Variants in JRKL observed in about 807,000 individuals in gnomAD.
JRKL encodes JRK like.
JRKL carries 25 observed loss-of-function variants against 34.7 expected under a neutral mutation model. The ratio of observed to expected loss-of-function variants is 0.72; its 90% confidence interval spans 0.53 to 1.01. The LOEUF is 1.01. Among genes scored for constraint, JRKL ranks in the 50% least tolerant of loss-of-function variants. The pLI, the probability that JRKL is intolerant of heterozygous loss-of-function variation, is 0.00. For synonymous variants in JRKL, 204 were observed against 212.8 expected, an observed-to-expected ratio of 0.96 and a Z score of 0.36; for missense variants, 495 against 615.7, an observed-to-expected ratio of 0.80 and a Z score of 2.07.
rs1156333463 is a variant in JRKL at position 96,391,506 on chromosome 11, A to G, written c.857A>G (p.Lys286Arg). Residue 286 changes from lysine to arginine, a missense_variant, in exon 2 of 2, where the codon AAG becomes AGG. Lys to Arg is a conservative substitution (Grantham distance 26). Transcript: ENST00000332349. ...TTAAGATCTAAAGGCTTGCAGGAAA[A>G]GGCTGTGCTCTTGTTGGATAATTCA... Reference protein sequence around the residue: ...EYLRSKGLQEKAVLLLDNSPT... With the variant: ...EYLRSKGLQERAVLLLDNSPT... 1.3e-6 allele frequency: 2 copies of G among 1,552,652 alleles called. No individual in the cohort carries two copies. Among genetic ancestry groups the G allele is most frequent in the Non-Finnish European group, 1.7e-6 (2 of 1,147,402 alleles).
Position 96,391,784 on chromosome 11 carries a change from G to T in JRKL, c.1135G>T (p.Val379Phe), listed in dbSNP as rs1866546911. The T allele has an allele frequency of 6.2e-6, 10 of 1,614,224 alleles. No homozygotes were observed. Among genetic ancestry groups the T allele is most frequent in the Non-Finnish European group, 8.5e-6 (10 of 1,180,024 alleles). ...AATGGCATGGAACTTAGTAAAACCAGTTACCATTAGCAGAGCATGGAAGAA... is the reference window on the plus strand; with the variant it reads ...AATGGCATGGAACTTAGTAAAACCATTTACCATTAGCAGAGCATGGAAGAA... ...IAMAWNLVKP[V>F]TISRAWKKIL... Residue 379 changes from valine to phenylalanine, a missense_variant, in exon 2 of 2, where the codon GTT becomes TTT. By Grantham distance (50) the Val-to-Phe change is conservative. Transcript: ENST00000332349.
chr11:96,392,206 G>T lies in JRKL; in HGVS notation c.1557G>T (p.Met519Ile). The change falls in exon 2 of 2, where the codon ATG (methionine) becomes ATT (isoleucine). Residue 519 changes from methionine (M) to isoleucine (I), a missense_variant. Transcript: ENST00000332349. The stretch of plus-strand genomic sequence containing the variant: ...CCACCATCAGAAATAAACAGAAGAT[G>T]ACAAAGTCAAGTCAATAATGTCATT... ...LRATIRNKQK[M>I]TKSSQ 1 of 1,582,610 alleles carries T rather than the reference G, an allele frequency of 6.3e-7. No individual in the cohort carries two copies. The highest frequency in any genetic ancestry group is 1.2e-5 in the South Asian group (1 of 85,702).
rs560071218 is a variant in JRKL, at chr11:96,392,497, A to G, written c.*273A>G. 473 of 277,444 alleles carry G rather than the reference A, an allele frequency of 1.7e-3. No individual in the cohort carries two copies. The highest frequency in any genetic ancestry group is 1.4e-3 in the Non-Finnish European group (198 of 141,738). The allele number at this position is 277,444 out of a possible 1,614,324, so 17.2% of individuals were successfully genotyped here. Reference sequence around the variant, plus strand: ...AATCTGCAATTATACCTTCTGTAACAGTGGCATTCCCTTAATTTTCTAGTG... The same window carrying G: ...AATCTGCAATTATACCTTCTGTAACGGTGGCATTCCCTTAATTTTCTAGTG... On this transcript the variant is annotated 3_prime_UTR_variant, in exon 2 of 2. Coordinates refer to ENST00000332349, the MANE Select transcript of JRKL (RefSeq NM_001261833.2).
chr11:96,390,658 G>T lies in JRKL; in HGVS notation c.9G>T (p.Gly3=). The change falls in exon 2 of 2, where the codon GGG becomes GGT. Residue 3 remains glycine (G), a synonymous_variant. Transcript: ENST00000332349. ...AGTCCCAGAACCTCGCTATGTCAGG[G>T]AAACGGAAGCGTGTGGTGTTGACTA... MS[G]KRKRVVLTIK... is the part of the protein sequence containing the mutation. The T allele has an allele frequency of 6.4e-7, 1 of 1,572,300 alleles. No individual in the cohort carries two copies. Among genetic ancestry groups the T allele is most frequent in the Non-Finnish European group, 8.6e-7 (1 of 1,165,498 alleles).
chr11:96,390,823 T>A lies in JRKL; in HGVS notation c.174T>A (p.Ser58Arg). The change falls in exon 2 of 2, where the codon AGT (serine) becomes AGA (arginine). Residue 58 changes from serine to arginine, a missense_variant. By Grantham distance (110) the Ser-to-Arg change is moderately radical. Coordinates refer to ENST00000332349, the MANE Select transcript of JRKL (RefSeq NM_001261833.2). ...NKEKIITYAS[S>R]SDSTSLLAKR... is the part of the protein sequence containing the mutation. ...AAAAGATTATAACTTATGCAAGCAG[T>A]TCTGATTCCACAAGTCTTTTGGCCA... 2 of 1,613,386 alleles carry A rather than the reference T, an allele frequency of 1.2e-6. No homozygotes were observed. The highest frequency in any genetic ancestry group is 8.5e-7 in the Non-Finnish European group (1 of 1,179,834).
chr11:96,392,168 C>G lies in JRKL; in HGVS notation c.1519C>G (p.Arg507Gly). Residue 507 changes from arginine (R) to glycine (G), a missense_variant, in exon 2 of 2, where the codon CGT (arginine) becomes GGT (glycine). By Grantham distance (125) the Arg-to-Gly change is moderately radical (BLOSUM62 -2). Coordinates refer to ENST00000332349, the MANE Select transcript of JRKL (RefSeq NM_001261833.2). Reference protein sequence around the residue: ...DMILPDRLVIRKLRATIRNKQ... With the variant: ...DMILPDRLVIGKLRATIRNKQ... ...GATTCTACCTGATAGACTGGTAATA[C>G]GTAAACTTCGAGCCACCATCAGAAA... 2 of 1,603,970 alleles carry G rather than the reference C, an allele frequency of 1.2e-6. No individual in the cohort carries two copies. Among genetic ancestry groups the G allele is most frequent in the African/African-American group, 1.3e-5 (1 of 74,430 alleles).
Position 96,390,606 on chromosome 11 carries a change from G to C in JRKL, c.-44G>C, listed in dbSNP as rs371863374. ...TGTGTAAGAGAAGGAAGGATTTTGTGGATTGCTACATTGTGAGTGTGGGGT... is the reference window on the plus strand; with the variant it reads ...TGTGTAAGAGAAGGAAGGATTTTGTCGATTGCTACATTGTGAGTGTGGGGT... On this transcript the variant is annotated 5_prime_UTR_variant, in exon 2 of 2. Coordinates refer to ENST00000332349, the MANE Select transcript of JRKL (RefSeq NM_001261833.2). The C allele has an allele frequency of 2.0e-6, 3 of 1,534,874 alleles. No homozygotes were observed. In the African/African-American group the frequency reaches 4.2e-5, roughly 21 times the overall value.
chr11:96,393,032 A>T lies in JRKL; in HGVS notation c.*808A>T, dbSNP rs1430289033. On this transcript the variant is annotated 3_prime_UTR_variant, in exon 2 of 2. Coordinates refer to ENST00000332349, the MANE Select transcript of JRKL (RefSeq NM_001261833.2). ...GTATAGGTTTATTATTTATTCATCT[A>T]ATTTTATAGTACAGGTTTTGTAATG... 6.0e-6 allele frequency: 1 copy of T among 166,148 alleles called. No homozygotes were observed. The highest frequency in any genetic ancestry group is 1.5e-5 in the Non-Finnish European group (1 of 68,006). 10.3% of individuals were successfully genotyped at this position (166,148 alleles called of 1,614,324 possible). A position where few individuals can be genotyped will look rare whatever the true frequency, so the allele number is the denominator to read the frequency against.
chr11:96,391,623 C>T lies in JRKL; in HGVS notation c.974C>T (p.Pro325Leu). Residue 325 changes from proline (P) to leucine (L), a missense_variant, in exon 2 of 2, where the codon CCT (proline) becomes CTT (leucine). Transcript: ENST00000332349. ...CCTAATGTGGCCTCATTGATTCAGCCTTCAGATCAGGGAGTCATAGCAACG... is the reference window on the plus strand; with the variant it reads ...CCTAATGTGGCCTCATTGATTCAGCTTTCAGATCAGGGAGTCATAGCAACG... ...LPPNVASLIQ[P>L]SDQGVIATMK... The T allele has an allele frequency of 6.2e-7, 1 of 1,613,700 alleles. No individual in the cohort carries two copies. Among genetic ancestry groups the T allele is most frequent in the Non-Finnish European group, 8.5e-7 (1 of 1,179,748 alleles).
rs1222402837 is a variant in JRKL, at chr11:96,392,826, G to C, written c.*602G>C. ...TCTGGAAATGAAGTAAATATGGGAAGTTATTGCCAAATGAGAGAGAAACTA... is the reference window on the plus strand; with the variant it reads ...TCTGGAAATGAAGTAAATATGGGAACTTATTGCCAAATGAGAGAGAAACTA... On this transcript the variant is annotated 3_prime_UTR_variant, in exon 2 of 2. Coordinates refer to ENST00000332349, the MANE Select transcript of JRKL (RefSeq NM_001261833.2). 1 of 167,006 alleles carries C rather than the reference G, an allele frequency of 6.0e-6. No individual in the cohort carries two copies. The highest frequency in any genetic ancestry group is 1.5e-5 in the Non-Finnish European group (1 of 68,072). The allele number at this position is 167,006 out of a possible 1,614,324, so 10.3% of individuals were successfully genotyped here.
rs1198607017 is a variant in JRKL at position 96,392,408 on chromosome 11, C to G, written c.*184C>G. ...TGTGTCTTTTGTCCTTTTATTTGTA[C>G]AGATAATCAGAAGATGATACTGAAT... is the stretch of plus-strand genomic sequence containing the variant. On this transcript the variant is annotated 3_prime_UTR_variant, in exon 2 of 2. Transcript: ENST00000332349. 6.0e-6 allele frequency: 5 copies of G among 830,142 alleles called. No homozygotes were observed. Among genetic ancestry groups the G allele is most frequent in the Non-Finnish European group, 8.9e-6 (5 of 561,994 alleles). The allele number at this position is 830,142 out of a possible 1,614,324, so 51.4% of individuals were successfully genotyped here.
In JRKL at chr11:96,392,848, A is replaced by G. The variant is rs1866565680; in HGVS notation, c.*624A>G. 1 of 167,014 alleles carries G rather than the reference A, an allele frequency of 6.0e-6. No individual in the cohort carries two copies. The highest frequency in any genetic ancestry group is 1.5e-5 in the Non-Finnish European group (1 of 68,066). The allele number at this position is 167,014 out of a possible 1,614,324, so 10.3% of individuals were successfully genotyped here. ...GAAGTTATTGCCAAATGAGAGAGAA[A>G]CTATGGGAAAGCTGATCTATAAAGA... On this transcript the variant is annotated 3_prime_UTR_variant, in exon 2 of 2. Transcript: ENST00000332349.
chr11:96,392,388 CTT>C lies in JRKL; in HGVS notation c.*167_*168del, dbSNP rs572639620. The C allele has an allele frequency of 7.2e-4, 720 of 999,012 alleles. 1 individual carries two copies. The highest frequency in any genetic ancestry group is 9.2e-4 in the Non-Finnish European group (655 of 710,642). The allele number at this position is 999,012 out of a possible 1,614,324, so 61.9% of individuals were successfully genotyped here. Reference sequence around the variant, plus strand: ...GATTATGTGTTTTCATCATCTGTGTCTTTTGTCCTTTTATTTGTACAGATAAT... The same window carrying C: ...GATTATGTGTTTTCATCATCTGTGTCTTGTCCTTTTATTTGTACAGATAAT... On this transcript the variant is annotated 3_prime_UTR_variant, in exon 2 of 2. Coordinates refer to ENST00000332349, the MANE Select transcript of JRKL (RefSeq NM_001261833.2).
Position 96,391,597 on chromosome 11 carries a change from A to G in JRKL, c.948A>G (p.Pro316=). ...GCCAAATATTTGCTAAATATTTACCACCTAATGTGGCCTCATTGATTCAGC... is the reference window on the plus strand; with the variant it reads ...GCCAAATATTTGCTAAATATTTACCGCCTAATGTGGCCTCATTGATTCAGC... ...DDGQIFAKYL[P]PNVASLIQPS... The change falls in exon 2 of 2, where the codon CCA becomes CCG. Residue 316 remains proline (P), a synonymous_variant. Coordinates refer to ENST00000332349, the MANE Select transcript of JRKL (RefSeq NM_001261833.2). 1 of 1,608,318 alleles carries G rather than the reference A, an allele frequency of 6.2e-7. No individual in the cohort carries two copies. The highest frequency in any genetic ancestry group is 8.5e-7 in the Non-Finnish European group (1 of 1,176,852).
In JRKL at chr11:96,391,376, T is replaced by A; in HGVS notation, c.727T>A (p.Leu243Ile). The A allele has an allele frequency of 6.4e-7, 1 of 1,551,714 alleles. No homozygotes were observed. Among genetic ancestry groups the A allele is most frequent in the Non-Finnish European group, 8.7e-7 (1 of 1,146,986 alleles). The change falls in exon 2 of 2, where the codon TTA (leucine) becomes ATA (isoleucine). Residue 243 changes from leucine (L) to isoleucine (I), a missense_variant. Transcript: ENST00000332349. ...KPRSFKSTDT[L>I]NLPVSYFSQK... ...TCGCTCCTTTAAATCAACTGACACCTTAAACCTGCCAGTCTCTTATTTCAG... is the reference window on the plus strand; with the variant it reads ...TCGCTCCTTTAAATCAACTGACACCATAAACCTGCCAGTCTCTTATTTCAG...
chr11:96,390,665 A>T lies in JRKL; in HGVS notation c.16A>T (p.Lys6Ter). 1 of 1,576,892 alleles carries T rather than the reference A, an allele frequency of 6.3e-7. No homozygotes were observed. The highest frequency in any genetic ancestry group is 8.6e-7 in the Non-Finnish European group (1 of 1,167,384). Residue 6 changes from lysine (K) to a stop codon, truncating the protein, a stop_gained, in exon 2 of 2, where the codon AAG becomes TAG. Transcript: ENST00000332349. LOFTEE classifies it low-confidence loss of function (END_TRUNC). ...GAACCTCGCTATGTCAGGGAAACGG[A>T]AGCGTGTGGTGTTGACTATTAAAGA... MSGKR[K>*]RVVLTIKDKL...
chr11:96,391,833 A>G lies in JRKL; in HGVS notation c.1184A>G (p.Lys395Arg). The change falls in exon 2 of 2, where the codon AAA (lysine) becomes AGA (arginine). Residue 395 changes from lysine to arginine, a missense_variant. By Grantham distance (26) the Lys-to-Arg change is conservative. Coordinates refer to ENST00000332349, the MANE Select transcript of JRKL (RefSeq NM_001261833.2). ...AAGATTCTCCCTATGGTAGAGGAGAAAGAGAGCCTGGACTTTGATGTTGAA... is the reference window on the plus strand; with the variant it reads ...AAGATTCTCCCTATGGTAGAGGAGAGAGAGAGCCTGGACTTTGATGTTGAA... ...WKKILPMVEE[K>R]ESLDFDVEDI... 6.2e-7 allele frequency: 1 copy of G among 1,614,198 alleles called. No homozygotes were observed.
rs371685864 is a variant in JRKL, at chr11:96,390,625, G to T, written c.-25G>T. On this transcript the variant is annotated 5_prime_UTR_variant, in exon 2 of 2. Transcript: ENST00000332349. ...TTTTGTGGATTGCTACATTGTGAGT[G>T]TGGGGTGAGTCCCAGAACCTCGCTA... 42 of 1,549,714 alleles carry T rather than the reference G, an allele frequency of 2.7e-5. No homozygotes were observed. Among genetic ancestry groups the T allele is most frequent in the African/African-American group, 4.2e-5 (3 of 72,236 alleles).
rs11549459 is a variant in JRKL at position 96,393,001 on chromosome 11, G to A, written c.*777G>A. On this transcript the variant is annotated 3_prime_UTR_variant, in exon 2 of 2. Transcript: ENST00000332349. ...AGTTGATCTTTTTATTATGAATTTG[G>A]TAATAGTATAGGTTTATTATTTATT... 6.0e-6 allele frequency: 1 copy of A among 166,116 alleles called. No homozygotes were observed. The highest frequency in any genetic ancestry group is 1.5e-5 in the Non-Finnish European group (1 of 68,016). The allele number at this position is 166,116 out of a possible 1,614,324, so 10.3% of individuals were successfully genotyped here.
Sources: allele counts gnomAD v4.1 joint callset, GRCh38; gene constraint gnomAD v4.1.1; transcripts MANE v1.5; gene names NCBI Gene and HGNC (gene_info 2026-07-23, HGNC 2026-07-21).